MACF1: variants seen among roughly 807,000 people sequenced by gnomAD.
The protein encoded by MACF1 is microtubule actin crosslinking factor 1.
Under a neutral mutation model 854.8 loss-of-function variants are expected in MACF1, and 193 were observed. The ratio of observed to expected loss-of-function variants is 0.23; its 90% CI spans 0.20 to 0.25. The LOEUF is 0.25. Among genes scored for constraint, MACF1 ranks in the 10% least tolerant of loss-of-function variants. MACF1 has a pLI of 1.00. For synonymous variants in MACF1, 3,185 were observed against 3,226.7 expected (o/e 0.99, Z 0.44); for missense variants, 7,722 against 8,929.1 (o/e 0.86, Z 5.45).
At position 39,477,104 on chromosome 1, in the gene MACF1, T is replaced by C. The variant is rs1329099776; in HGVS notation, c.21959-2694T>C. Among the ~76,000 whole-genome samples the C allele has an allele frequency of 2.7e-4, 29 of 107,178 alleles. 3 individuals are homozygous for C. Among genetic ancestry groups the C allele is most frequent in the African/African-American group, 3.2e-4 (8 of 25,140 alleles). 70.3% of individuals were successfully genotyped at this position (107,178 alleles called of 152,430 possible). On this transcript the variant is annotated intron_variant, in intron 97 of 100. Coordinates refer to ENST00000564288, the MANE Select transcript of MACF1 (RefSeq NM_001394062.1). Reference sequence around the variant, plus strand: ...ATATATATATATACACACACACACATATATACACTTAGTGTATATATATAT... The same window carrying C: ...ATATATATATATACACACACACACACATATACACTTAGTGTATATATATAT...
At chr1:39,475,615 G>A (rs1251275079) in intron 97 of MACF1, among the ~76,000 whole-genome samples, 28 of 152,034 alleles carry the variant, frequency 1.8e-4, no homozygotes, top group Admixed American at 3.9e-4. Flanking sequence ...CTGAGTACAA[G>A]GGGGCATGCA....
rs1046668524 is a variant in MACF1 at position 39,336,250 on chromosome 1, T to G, written c.9662T>G (p.Leu3221Arg). ...CAGGGCAGCAAAAGTGATGATAAAC[T>G]TTGTGGAACTCTCAAATCTGAAATA... ...HHQGSKSDDKLCGTLKSEIAT... is the reference protein window; with the variant it reads ...HHQGSKSDDKRCGTLKSEIAT... The change falls in exon 37 of 101, where the codon CTT becomes CGT. Residue 3221 changes from leucine (L) to arginine (R), a missense_variant. Around this residue, in one of 15 missense-constraint regions of MACF1, gnomAD observed 854 missense variants for 852.6 expected, o/e 1.00. Transcript: ENST00000564288. 8 of 1,613,958 alleles carry G rather than the reference T, an allele frequency of 5.0e-6. No homozygotes were observed. The highest frequency in any genetic ancestry group is 1.3e-5 in the African/African-American group (1 of 74,894).
At chr1:39,347,311 G>C (rs976492346) in intron 41 of MACF1, 101 bp downstream of exon 41, 3 of 888,054 alleles carry the variant, frequency 3.4e-6, no homozygotes, top group Non-Finnish European at 5.4e-6. Flanking sequence ...CAGGAGCCTG[G>C]GTTTACCAAT....
chr1:39,202,743 T>C (rs1377888866), upstream of MACF1, among the ~76,000 whole-genome samples: 1 of 152,200 alleles, frequency 6.6e-6, no homozygotes, highest in Non-Finnish European at 1.5e-5. Context: ...TATTTACCTG[T>C]TTATATTTCT....
intron 2 of MACF1, among the ~76,000 whole-genome samples, chr1:39,112,247 C>T (rs185681947): frequency 2.7e-3 from 413 of 152,078 alleles, no homozygotes; most frequent in Non-Finnish European, 3.7e-3. Flanking sequence ...CCACCACGCC[C>T]AGCTAATTTT....
At chr1:39,158,182 C>T (rs1238484619) in intron 2 of MACF1, among the ~76,000 whole-genome samples, 2 of 152,082 alleles carry the variant, frequency 1.3e-5, no homozygotes, top group Non-Finnish European at 2.9e-5. Flanking sequence ...AAAGCAACCC[C>T]GAAACAAATC....
intron 52 of MACF1, among the ~76,000 whole-genome samples, chr1:39,376,858 A>T (rs574965698): frequency 6.6e-6 from 1 of 151,658 alleles, no homozygotes; most frequent in Non-Finnish European, 1.5e-5. Flanking sequence ...TAGGACCACA[A>T]ATGTGCACTG....
At chr1:39,093,566 A>G (rs1641864563) in intron 2 of MACF1, among the ~76,000 whole-genome samples, 1 of 148,838 alleles carries the variant, frequency 6.7e-6, no homozygotes, top group Non-Finnish European at 1.5e-5. Context: ...GCTCACTGCA[A>G]CTTCTGCCTG....
chr1:39,421,952 G>A (rs995351703), intron 58 of MACF1, among the ~76,000 whole-genome samples: 2 of 152,118 alleles, frequency 1.3e-5, no homozygotes, highest in African/African-American at 4.8e-5. Flanking sequence ...GCGGGCGTCT[G>A]TAGTCCCAGC....
intron 6 of MACF1, among the ~76,000 whole-genome samples, chr1:39,258,883 A>C (rs757421111): frequency 7.2e-5 from 11 of 152,144 alleles, no homozygotes; most frequent in Non-Finnish European, 1.6e-4. Context: ...TTCCTGAGAG[A>C]AAAATCTGAG....
At chr1:39,455,209 C>G (rs1644412122) in intron 89 of MACF1, 112 bp downstream of exon 89, 3 of 1,031,714 alleles carry the variant, frequency 2.9e-6, no homozygotes, top group Non-Finnish European at 4.3e-6. Flanking sequence ...TTACCACAGA[C>G]TTAGCACTGT....
At position 39,357,538 on chromosome 1, in the gene MACF1, C is replaced by T; in HGVS notation, c.11588C>T (p.Ala3863Val). 1 of 1,614,084 alleles carries T rather than the reference C, an allele frequency of 6.2e-7. No homozygotes were observed. The highest frequency in any genetic ancestry group is 8.5e-7 in the Non-Finnish European group (1 of 1,180,020). Reference protein sequence around the residue: ...ELKEQYSTSLAQSEAELKQVQ... With the variant: ...ELKEQYSTSLVQSEAELKQVQ... ...AAGGAACAATACTCTACTTCCCTGG[C>T]CCAATCAGAGGCAGAACTGAAGCAG... The change falls in exon 45 of 101, where the codon GCC becomes GTC. Residue 3863 changes from alanine (A) to valine (V), a missense_variant. Around this residue, in one of 15 missense-constraint regions of MACF1, gnomAD observed 2,807 missense variants for 3,235.8 expected, o/e 0.87. Transcript: ENST00000564288.
chr1:39,372,654 T>A, intron 52 of MACF1, 58 bp downstream of exon 52: 2 of 1,066,192 alleles, frequency 1.9e-6, no homozygotes, highest in East Asian at 4.8e-5. Flanking sequence ...TTTTGGCCTT[T>A]GGAGATGCCT....
rs578223922 is a variant in MACF1 at position 39,358,776 on chromosome 1, C to T, written c.12023C>T (p.Ala4008Val). Residue 4008 changes from alanine to valine, a missense_variant, in exon 46 of 101, where the codon GCC (alanine) becomes GTC (valine). Physicochemically the swap from Ala to Val is moderately conservative, Grantham distance 64. Transcript: ENST00000564288. ...QFQNSADSLQ[A>V]WMQACEANVE... ...CAAAACAGTGCTGACAGCCTGCAGGCCTGGATGCAGGCTTGTGAGGCCAAC... is the reference window on the plus strand; with the variant it reads ...CAAAACAGTGCTGACAGCCTGCAGGTCTGGATGCAGGCTTGTGAGGCCAAC... 3 of 1,614,062 alleles carry T rather than the reference C, an allele frequency of 1.9e-6. No homozygotes were observed. Among genetic ancestry groups the T allele is most frequent in the Non-Finnish European group, 2.5e-6 (3 of 1,179,996 alleles).
chr1:39,319,877 G>A lies in MACF1; in HGVS notation c.4029+130G>A, dbSNP rs570613268. 2.7e-5 allele frequency: 17 copies of A among 619,424 alleles called. No individual in the cohort carries two copies. In the African/African-American group the frequency reaches 3.0e-4, roughly 11 times the overall value. 38.4% of individuals were successfully genotyped at this position (619,424 alleles called of 1,614,324 possible). A position where few individuals can be genotyped will look rare whatever the true frequency, so the allele number is the denominator to read the frequency against. ...TGCTACAAGCTGGCCTGATCCTTCA[G>A]TTAAGCAGATGTGTATTTCCTGCAA... On this transcript the variant is annotated intron_variant, in intron 31 of 100. Transcript: ENST00000564288.
chr1:39,096,053 C>T (rs1026007855), intron 2 of MACF1, among the ~76,000 whole-genome samples: 2 of 151,798 alleles, frequency 1.3e-5, no homozygotes, highest in Admixed American at 1.3e-4. Context: ...CCTGTGGACC[C>T]AACCACTCAG....
intron 2 of MACF1, among the ~76,000 whole-genome samples, chr1:39,129,113 A>T (rs1039503231): frequency 1.3e-5 from 2 of 152,140 alleles, no homozygotes; most frequent in African/African-American, 2.4e-5. Context: ...AGGTGCTTAG[A>T]GCCGGAAGCC....
intron 97 of MACF1, among the ~76,000 whole-genome samples, chr1:39,475,012 C>T (rs575524005): frequency 2.0e-4 from 30 of 152,174 alleles, no homozygotes; most frequent in African/African-American, 5.3e-4. Context: ...AGACTCTGGA[C>T]GGGTCAGCAG....
At chr1:39,304,384 GAGA>G in intron 23 of MACF1, 2 of 992,080 alleles carry the variant, frequency 2.0e-6, no homozygotes, top group Non-Finnish European at 3.1e-6. Context: ...CATATTGTGG[GAGA>G]AGAACTTTAT....
Sources: allele counts gnomAD v4.1 joint callset (sites outside exome capture counted in the v4.1 genomes callset), GRCh38; gene constraint gnomAD v4.1.1; regional missense constraint gnomAD v4.1.1; transcripts MANE v1.5; gene names NCBI Gene and HGNC (gene_info 2026-07-23, HGNC 2026-07-21).